Variants in TLR7 observed in about 807,000 individuals in gnomAD.
TLR7 encodes the protein toll-like receptor 7.
In TLR7, 12 loss-of-function variants were observed where a neutral mutation model predicts 38.3. That is an observed-to-expected ratio of 0.31 (90% CI 0.20 to 0.51). The LOEUF (loss-of-function observed/expected upper bound fraction) is 0.51, where lower values mean the gene tolerates loss of function less well. TLR7 is among the 20% of genes least tolerant of loss of function. TLR7 has a pLI of 0.98. For synonymous variants in TLR7, 285 were observed against 293.8 expected (o/e 0.97, Z 0.31); for missense variants, 504 against 743.4 (o/e 0.68, Z 3.74).
intron 2 of TLR7, among the ~76,000 whole-genome samples, chrX:12,881,978 C>G (rs2042894095): frequency 9.0e-6 from 1 of 111,449 alleles, no homozygotes; most frequent in Non-Finnish European, 1.9e-5. Context: ...GAGGATGTGT[C>G]ACTTGAATAG....
At chrX:12,867,721 T>C (rs2042838685) in intron 2 of TLR7, 140 bp downstream of exon 2, 4 of 579,092 alleles carry the variant, frequency 6.9e-6, no homozygotes, top group Non-Finnish European at 1.1e-5. Context: ...TATTTCACAA[T>C]TGGCATTAAT....
In TLR7 at chrX:12,887,947, T is replaced by C; in HGVS notation, c.2439T>C (p.Thr813=). 8.3e-7 allele frequency: 1 copy of C among 1,211,973 alleles called. No homozygotes were observed. The highest frequency in any genetic ancestry group is 1.1e-6 in the Non-Finnish European group (1 of 895,543). Residue 813 remains threonine, a synonymous_variant, in exon 3 of 3, where the codon ACT becomes ACC. Transcript: ENST00000380659. ...TTCCTTACCTGGCCACAGATGTGAC[T>C]TGTGTGGGGCCAGGAGCACACAAGG... is the stretch of plus-strand genomic sequence containing the variant. ...VTIPYLATDV[T]CVGPGAHKGQ... is the part of the protein sequence containing the mutation.
chrX:12,867,910 A>G (rs1303202852), intron 2 of TLR7, among the ~76,000 whole-genome samples: 2 of 112,786 alleles, frequency 1.8e-5, no homozygotes, highest in Non-Finnish European at 3.7e-5. Context: ...TCACTGAATT[A>G]CTGAAGTTAC....
rs766819956 is a variant in TLR7, at chrX:12,887,803, C to T, written c.2295C>T (p.Thr765=). 3 of 1,211,940 alleles carry T rather than the reference C, an allele frequency of 2.5e-6. No individual in the cohort carries two copies. Among genetic ancestry groups the T allele is most frequent in the Admixed American group, 4.3e-5 (2 of 46,087 alleles). Residue 765 remains threonine, a synonymous_variant, in exon 3 of 3, where the codon ACC becomes ACT. Coordinates refer to ENST00000380659, the MANE Select transcript of TLR7 (RefSeq NM_016562.4). ...SSNKIQMIQK[T]SFPENVLNNL... ...ATAAAATCCAGATGATCCAAAAGAC[C>T]AGCTTCCCAGAAAATGTCCTCAACA...
Position 12,886,987 on chromosome X carries a change from G to A in TLR7, c.1479G>A (p.Lys493=). The change falls in exon 3 of 3, where the codon AAG becomes AAA. Residue 493 remains lysine (K), a synonymous_variant. Coordinates refer to ENST00000380659, the MANE Select transcript of TLR7 (RefSeq NM_016562.4). ...SFMSVNESCY[K]YGQTLDLSKN... is the part of the protein sequence containing the mutation. Reference sequence around the variant, plus strand: ...TGTCTGTTAATGAAAGCTGCTACAAGTATGGGCAGACCTTGGATCTAAGTA... The same window carrying A: ...TGTCTGTTAATGAAAGCTGCTACAAATATGGGCAGACCTTGGATCTAAGTA... The A allele has an allele frequency of 1.7e-6, 2 of 1,211,738 alleles. No homozygotes were observed. The highest frequency in any genetic ancestry group is 2.2e-6 in the Non-Finnish European group (2 of 895,361).
chrX:12,874,963 T>G (rs1462333016), intron 2 of TLR7, among the ~76,000 whole-genome samples: 3 of 66,772 alleles, frequency 4.5e-5, no homozygotes, highest in African/African-American at 1.8e-4. Context: ...TTGGTAAATG[T>G]TTTTTTTTTT....
chrX:12,867,509 A>C lies in TLR7; in HGVS notation c.-70A>C. 9.3e-7 allele frequency: 1 copy of C among 1,077,782 alleles called. No homozygotes were observed. 88.8% of individuals were successfully genotyped at this position (1,077,782 alleles called of 1,213,427 possible). On this transcript the variant is annotated 5_prime_UTR_variant, in exon 2 of 3. Transcript: ENST00000380659. ...ATGCTATTGGGCCCATCTCAAGCTG[A>C]TCTTGGCACCTCTCATGCTCTGCTC...
chrX:12,885,757 G>A lies in TLR7; in HGVS notation c.249G>A (p.Ala83=), dbSNP rs148180952. The change falls in exon 3 of 3, where the codon GCG becomes GCA. Residue 83 remains alanine, a synonymous_variant. Coordinates refer to ENST00000380659, the MANE Select transcript of TLR7 (RefSeq NM_016562.4). ...ACCACATACCAGACATCTCCCCAGC[G>A]TCCTTTCACAGACTGGACCATCTGG... ...TINHIPDISP[A]SFHRLDHLVE... 7.4e-5 allele frequency: 90 copies of A among 1,210,180 alleles called. No homozygotes were observed. Among genetic ancestry groups the A allele is most frequent in the Non-Finnish European group, 9.8e-5 (88 of 895,322 alleles).
intron 2 of TLR7, among the ~76,000 whole-genome samples, chrX:12,869,035 G>A (rs990946860): frequency 6.3e-5 from 7 of 111,405 alleles, no homozygotes; most frequent in African/African-American, 2.3e-4. Context: ...GCCCTATAAG[G>A]TAGAGATAAC....
Position 12,887,656 on chromosome X carries a change from G to A in TLR7, c.2148G>A (p.Glu716=). The A allele has an allele frequency of 1.2e-5, 14 of 1,211,239 alleles. No homozygotes were observed. Among genetic ancestry groups the A allele is most frequent in the Non-Finnish European group, 1.6e-5 (14 of 895,367 alleles). ...ACAACCAACTGACCACTGTCCCTGAGAGATTATCCAACTGTTCCAGAAGCC... is the reference window on the plus strand; with the variant it reads ...ACAACCAACTGACCACTGTCCCTGAAAGATTATCCAACTGTTCCAGAAGCC... ...LSHNQLTTVP[E]RLSNCSRSLK... Residue 716 remains glutamate, a synonymous_variant, in exon 3 of 3, where the codon GAG becomes GAA. Transcript: ENST00000380659.
chrX:12,884,507 G>T (rs146351522), intron 2 of TLR7, among the ~76,000 whole-genome samples: 1 of 112,097 alleles, frequency 8.9e-6, no homozygotes, highest in East Asian at 2.8e-4. Context: ...GCCAGTGGAA[G>T]GTAATAAGGT....
Position 12,888,406 on chromosome X carries a change from T to G in TLR7, c.2898T>G (p.Asn966Lys). Reference sequence around the variant, plus strand: ...CAGACAAGTATGCAAAGACTGAAAATTTTAAGATAGCATTTTACTTGTCCC... The same window carrying G: ...CAGACAAGTATGCAAAGACTGAAAAGTTTAAGATAGCATTTTACTTGTCCC... ...VMTDKYAKTE[N>K]FKIAFYLSHQ... is the part of the protein sequence containing the mutation. Residue 966 changes from asparagine (N) to lysine (K), a missense_variant, in exon 3 of 3, where the codon AAT becomes AAG. By Grantham distance (94) the Asn-to-Lys change is moderately conservative. Transcript: ENST00000380659. 8.3e-7 allele frequency: 1 copy of G among 1,211,718 alleles called. No homozygotes were observed.
rs5743785 is a variant in TLR7 at position 12,889,563 on chromosome X, T to C, written c.*905T>C. The C allele has an allele frequency of 1.2e-3, 137 of 112,792 alleles. No individual in the cohort carries two copies. The highest frequency in any genetic ancestry group is 2.0e-3 in the Non-Finnish European group (105 of 53,511). 9.3% of individuals were successfully genotyped at this position (112,792 alleles called of 1,213,427 possible). A position where few individuals can be genotyped will look rare whatever the true frequency, so the allele number is the denominator to read the frequency against. ...TCCTTGGGCCTGCTTCTGGGTTCCATAGGGAAACAGTAAGAAAGAAAGACA... is the reference window on the plus strand; with the variant it reads ...TCCTTGGGCCTGCTTCTGGGTTCCACAGGGAAACAGTAAGAAAGAAAGACA... On this transcript the variant is annotated 3_prime_UTR_variant, in exon 3 of 3. Transcript: ENST00000380659.
At chrX:12,878,807 G>A (rs975575353) in intron 2 of TLR7, among the ~76,000 whole-genome samples, 2 of 111,640 alleles carry the variant, frequency 1.8e-5, no homozygotes, top group Admixed American at 1.9e-4. Context: ...CAGATTTTTT[G>A]CCCTGGACTG....
intron 2 of TLR7, among the ~76,000 whole-genome samples, chrX:12,873,181 A>G (rs2042859104): frequency 8.9e-6 from 1 of 112,041 alleles, no homozygotes; most frequent in South Asian, 3.7e-4. Flanking sequence ...GATGTCTGTT[A>G]TGGATGACTT....
chrX:12,887,908 T>C lies in TLR7; in HGVS notation c.2400T>C (p.His800=). The change falls in exon 3 of 3, where the codon CAT becomes CAC. Residue 800 remains histidine (H), a synonymous_variant. Transcript: ENST00000380659. ...TGTGGTTTGTCTGGTGGGTTAACCA[T>C]ACGGAGGTGACTATTCCTTACCTGG... The part of the protein sequence containing the change: ...DAVWFVWWVN[H]TEVTIPYLAT... 8.3e-7 allele frequency: 1 copy of C among 1,211,784 alleles called. No homozygotes were observed.
At chrX:12,883,925 T>G (rs1393084655) in intron 2 of TLR7, among the ~76,000 whole-genome samples, 1 of 111,333 alleles carries the variant, frequency 9.0e-6, no homozygotes, top group Non-Finnish European at 1.9e-5. Flanking sequence ...CATCTTGCAT[T>G]GGAGAAAAAA....
rs1288755110 is a variant in TLR7 at position 12,889,988 on chromosome X, G to A, written c.*1330G>A. On this transcript the variant is annotated 3_prime_UTR_variant, in exon 3 of 3. Transcript: ENST00000380659. Reference sequence around the variant, plus strand: ...GTTTATAGACCTTCACATTGAGAAAGCTTCAGTTTTGAACTTCAGCTATCA... The same window carrying A: ...GTTTATAGACCTTCACATTGAGAAAACTTCAGTTTTGAACTTCAGCTATCA... 1 of 112,731 alleles carries A rather than the reference G, an allele frequency of 8.9e-6. No individual in the cohort carries two copies. Among genetic ancestry groups the A allele is most frequent in the Non-Finnish European group, 1.9e-5 (1 of 53,375 alleles). 9.3% of individuals were successfully genotyped at this position (112,731 alleles called of 1,213,427 possible).
In TLR7 at chrX:12,889,916, T is replaced by C. The variant is rs188916453; in HGVS notation, c.*1258T>C. 2.7e-5 allele frequency: 3 copies of C among 112,932 alleles called. No homozygotes were observed. Among genetic ancestry groups the C allele is most frequent in the Non-Finnish European group, 5.6e-5 (3 of 53,399 alleles). The allele number at this position is 112,932 out of a possible 1,213,427, so 9.3% of individuals were successfully genotyped here. On this transcript the variant is annotated 3_prime_UTR_variant, in exon 3 of 3. Coordinates refer to ENST00000380659, the MANE Select transcript of TLR7 (RefSeq NM_016562.4). ...ATGACAATTATTTGAATGCCAATTA[T>C]ATGGATTCCTTTCATTTTTTGCTGG...
Sources: allele counts gnomAD v4.1 joint callset (sites outside exome capture counted in the v4.1 genomes callset), GRCh38; gene constraint gnomAD v4.1.1; transcripts MANE v1.5; gene names NCBI Gene and HGNC (gene_info 2026-07-23, HGNC 2026-07-21).